Variants in RTN4 observed in about 807,000 individuals in gnomAD.
RTN4 encodes the protein reticulon-4.
Under a neutral mutation model 90.4 loss-of-function variants are expected in RTN4, and 32 were observed. That is an observed-to-expected ratio of 0.35 (90% confidence interval 0.27 to 0.48). The LOEUF is 0.48. Among genes scored for constraint, RTN4 ranks in the 20% least tolerant of loss-of-function variants. RTN4 has a pLI of 0.99. For synonymous variants in RTN4, 629 were observed against 552.5 expected (o/e 1.14, Z -1.94); for missense variants, 1,706 against 1,430.2 (o/e 1.19, Z -3.11).
rs746197683 is a variant in RTN4 at position 55,026,639 on chromosome 2, G to A, written c.1460C>T (p.Thr487Ile). The A allele has an allele frequency of 6.2e-7, 1 of 1,612,796 alleles. No homozygotes were observed. Among genetic ancestry groups the A allele is most frequent in the East Asian group, 2.2e-5 (1 of 44,862 alleles). ...TTTTTCATCGGTCTTATTTTCTGAA[G>A]TAGGATCTCCTAACAAAGGAAAAAT... ...TNIFPLLGDP[T>I]SENKTDEKKI... The change falls in exon 3 of 9, where the codon ACT (threonine) becomes ATT (isoleucine). Residue 487 changes from threonine to isoleucine, a missense_variant. Physicochemically the swap from Thr to Ile is moderately conservative, Grantham distance 89. Coordinates refer to ENST00000337526, the MANE Select transcript of RTN4 (RefSeq NM_020532.5).
At chr2:55,040,183 C>T (rs1388518148) in intron 1 of RTN4, among the ~76,000 whole-genome samples, 1 of 152,090 alleles carries the variant, frequency 6.6e-6, no homozygotes, top group Non-Finnish European at 1.5e-5. Context: ...CAAGCAAAAG[C>T]ATCTAACAAA....
In RTN4 at chr2:55,025,881, G is replaced by A; in HGVS notation, c.2218C>T (p.Pro740Ser). 6.2e-7 allele frequency: 1 copy of A among 1,613,744 alleles called. No homozygotes were observed. The highest frequency in any genetic ancestry group is 1.1e-5 in the South Asian group (1 of 91,078). The change falls in exon 3 of 9, where the codon CCT becomes TCT. Residue 740 changes from proline (P) to serine (S), a missense_variant. Transcript: ENST00000337526. The stretch of plus-strand genomic sequence containing the variant: ...AATAAGTCAACTGGTTCAGAATCAG[G>A]TGAGGAATCTTCAACTAGCTCAGAA... ...DHSELVEDSS[P>S]DSEPVDLFSD...
At chr2:54,981,271 T>A (rs1678100152) in intron 5 of RTN4, among the ~76,000 whole-genome samples, 1 of 150,334 alleles carries the variant, frequency 6.7e-6, no homozygotes, top group Non-Finnish European at 1.5e-5. Flanking sequence ...TTATAAAGGC[T>A]AAAATGTTTT....
At chr2:55,022,341 C>A (rs1341582689) in intron 3 of RTN4, among the ~76,000 whole-genome samples, 1 of 152,164 alleles carries the variant, frequency 6.6e-6, no homozygotes, top group Non-Finnish European at 1.5e-5. Flanking sequence ...TGTTTGAAAC[C>A]CCCATTCCAC....
intron 2 of RTN4, among the ~76,000 whole-genome samples, chr2:55,066,191 G>T (rs202217697): frequency 4.2e-3 from 195 of 46,478 alleles, no homozygotes; most frequent in South Asian, 0.032. Context: ...GTGTGTGTGT[G>T]TTTGTGTGTG....
intron 1 of RTN4, among the ~76,000 whole-genome samples, chr2:55,081,223 G>A (rs899817278): frequency 3.3e-5 from 5 of 152,028 alleles, no homozygotes; most frequent in South Asian, 4.1e-4. Flanking sequence ...ACAGGTGCTC[G>A]CCACCATGCC....
Position 55,097,649 on chromosome 2 carries a change from A to G in RTN4, c.-214+14871T>C, listed in dbSNP as rs79993697. On this transcript the variant is annotated intron_variant, in intron 1 of 3. Coordinates refer to the RTN4 transcript ENST00000427710. ...GCAGACGCCACCCAGGCCTCTAAGG[A>G]TTCTATCTTGAACACTTTCATAAAC... Among the ~76,000 whole-genome samples, 16 of 152,238 alleles carry G rather than the reference A, an allele frequency of 1.1e-4. 1 individual carries two copies. Among genetic ancestry groups the G allele is most frequent in the African/African-American group, 3.9e-4 (16 of 41,510 alleles).
intron 4 of RTN4, among the ~76,000 whole-genome samples, chr2:54,986,199 G>GCT (rs1187843128): frequency 6.6e-6 from 1 of 151,758 alleles, no homozygotes; most frequent in African/African-American, 2.4e-5. Context: ...ATTTTCTTTT[G>GCT]TTTTTTTTCT....
intron 1 of RTN4, among the ~76,000 whole-genome samples, chr2:55,036,890 T>G (rs1258844472): frequency 6.6e-6 from 1 of 152,166 alleles, no homozygotes. Context: ...AGATTCTGTG[T>G]TAAACAAGCA....
chr2:55,091,843 GAAAAAT>G (rs1558876340), intron 1 of RTN4, among the ~76,000 whole-genome samples: 2 of 151,638 alleles, frequency 1.3e-5, no homozygotes, highest in African/African-American at 4.8e-5. Flanking sequence ...AGCGGCAAGA[GAAAAAT>G]AAAAAAGATG....
chr2:55,061,709 A>G (rs1668296898), intron 2 of RTN4, among the ~76,000 whole-genome samples: 1 of 152,164 alleles, frequency 6.6e-6, no homozygotes, highest in Admixed American at 6.5e-5. Context: ...TGATTTCTGT[A>G]AAGCTGAAAT....
chr2:55,125,975 G>C, the RTN4 span, among the ~76,000 whole-genome samples: 1 of 151,490 alleles, frequency 6.6e-6, no homozygotes, highest in Non-Finnish European at 1.5e-5. Flanking sequence ...GCGGGAGAAT[G>C]GTGTGAACCT....
chr2:55,015,281 C>G (rs1680950349), intron 3 of RTN4, among the ~76,000 whole-genome samples: 1 of 152,164 alleles, frequency 6.6e-6, no homozygotes, highest in Non-Finnish European at 1.5e-5. Context: ...AATAGGAAAA[C>G]AACTCTAACA....
chr2:54,991,393 T>C (rs567817510), intron 3 of RTN4, among the ~76,000 whole-genome samples: 2 of 152,336 alleles, frequency 1.3e-5, no homozygotes, highest in Admixed American at 1.3e-4. Flanking sequence ...TAGTCTATAA[T>C]TTCTACCTAA....
At chr2:54,981,311 C>A (rs757249177) in intron 5 of RTN4, among the ~76,000 whole-genome samples, 5 of 150,042 alleles carry the variant, frequency 3.3e-5, no homozygotes, top group Non-Finnish European at 7.4e-5. Flanking sequence ...GCACTTTAAG[C>A]ACTTAAACCT....
At chr2:55,101,130 T>C (rs927695461) in intron 1 of RTN4, among the ~76,000 whole-genome samples, 1 of 152,176 alleles carries the variant, frequency 6.6e-6, no homozygotes, top group Non-Finnish European at 1.5e-5. Flanking sequence ...GATTATATTT[T>C]AGTAAAATAA....
At chr2:55,055,702 A>G (rs1233904964), upstream of RTN4, among the ~76,000 whole-genome samples, 1 of 151,682 alleles carries the variant, frequency 6.6e-6, no homozygotes, top group Non-Finnish European at 1.5e-5. Flanking sequence ...CCTGGGAGGC[A>G]GCGCTTGCAG....
At chr2:55,129,655 G>T in the RTN4 span, among the ~76,000 whole-genome samples, 17 of 152,006 alleles carry the variant, frequency 1.1e-4, 1 homozygote, top group African/African-American at 4.1e-4. Context: ...TCCACCTCCC[G>T]GGCTCAAGCA....
At chr2:55,010,753 T>C (rs541313570) in intron 3 of RTN4, among the ~76,000 whole-genome samples, 1 of 152,278 alleles carries the variant, frequency 6.6e-6, no homozygotes, top group Non-Finnish European at 1.5e-5. Flanking sequence ...AAAATAAAAG[T>C]CAAATTACTA....
Sources: allele counts gnomAD v4.1 joint callset (sites outside exome capture counted in the v4.1 genomes callset), GRCh38; gene constraint gnomAD v4.1.1; transcripts MANE v1.5; gene names NCBI Gene and HGNC (gene_info 2026-07-23, HGNC 2026-07-21).